PCGF5: variants seen among roughly 807,000 people sequenced by gnomAD.
PCGF5 encodes polycomb group ring finger 5.
In PCGF5, 9 loss-of-function variants were observed where a neutral mutation model predicts 44.3. That is an observed-to-expected ratio of 0.20 (90% CI 0.12 to 0.35). PCGF5 has a LOEUF of 0.35. Among genes scored for constraint, PCGF5 ranks in the 10% least tolerant of loss-of-function variants. PCGF5 has a pLI of 1.00. For synonymous variants in PCGF5, 95 were observed against 102.5 expected (o/e 0.93, Z 0.44); for missense variants, 146 against 305.3 (o/e 0.48, Z 3.89).
chr10:91,267,977 G>A (rs1460777240), intron 8 of PCGF5, among the ~76,000 whole-genome samples: 1 of 152,038 alleles, frequency 6.6e-6, no homozygotes, highest in Non-Finnish European at 1.5e-5. Context: ...AAAAACACAA[G>A]GTTAAGATTC....
At chr10:91,189,437 A>G (rs113642310) in intron 1 of PCGF5, among the ~76,000 whole-genome samples, 22 of 152,360 alleles carry the variant, frequency 1.4e-4, no homozygotes, top group African/African-American at 4.8e-4. Context: ...TATATGCTAG[A>G]TAAATGAATA....
intron 5 of PCGF5, among the ~76,000 whole-genome samples, chr10:91,249,590 T>C (rs1564649198): frequency 6.6e-6 from 1 of 151,742 alleles, no homozygotes; most frequent in African/African-American, 2.4e-5. Flanking sequence ...AATCTTGGTT[T>C]TCCCATAAGA....
chr10:91,171,001 C>T (rs1843594238), intron 1 of PCGF5, among the ~76,000 whole-genome samples: 1 of 152,206 alleles, frequency 6.6e-6, no homozygotes, highest in Admixed American at 6.5e-5. Context: ...GAAAAAGCTT[C>T]ATACTGTGTG....
chr10:91,273,309 C>T (rs572146386), intron 9 of PCGF5, among the ~76,000 whole-genome samples: 4 of 152,158 alleles, frequency 2.6e-5, no homozygotes, highest in South Asian at 2.1e-4. Context: ...TGAATTGTAA[C>T]GATAACACTG....
chr10:91,262,771 T>C (rs1424217179), intron 7 of PCGF5, among the ~76,000 whole-genome samples: 2 of 152,250 alleles, frequency 1.3e-5, no homozygotes, highest in Admixed American at 1.3e-4. Flanking sequence ...AAGCCCAATG[T>C]ACTTGGTAAA....
At chr10:91,182,538 G>A (rs891253978) in intron 1 of PCGF5, among the ~76,000 whole-genome samples, 2 of 151,846 alleles carry the variant, frequency 1.3e-5, no homozygotes, top group South Asian at 2.1e-4. Context: ...TTCATGTCAC[G>A]ATCTCCTTTA....
chr10:91,179,158 C>T (rs1843772240), intron 1 of PCGF5, among the ~76,000 whole-genome samples: 1 of 151,852 alleles, frequency 6.6e-6, no homozygotes, highest in African/African-American at 2.4e-5. Context: ...ATCCTGTCCT[C>T]TCTCATTACT....
At chr10:91,229,629 A>G (rs894030324) in intron 2 of PCGF5, among the ~76,000 whole-genome samples, 4 of 152,126 alleles carry the variant, frequency 2.6e-5, no homozygotes, top group African/African-American at 9.7e-5. Flanking sequence ...CAACATGTTA[A>G]TTAAAATTAT....
At chr10:91,246,409 A>G (rs1408302744) in intron 3 of PCGF5, among the ~76,000 whole-genome samples, 1 of 152,206 alleles carries the variant, frequency 6.6e-6, no homozygotes, top group Non-Finnish European at 1.5e-5. Flanking sequence ...GGATAATTGA[A>G]TAAGCCAGTT....
intron 9 of PCGF5, among the ~76,000 whole-genome samples, chr10:91,275,515 A>G (rs960463801): frequency 2.0e-5 from 3 of 150,720 alleles, no homozygotes; most frequent in Admixed American, 1.3e-4. Context: ...ATCTTGGCTC[A>G]TTGCAGCCTC....
chr10:91,248,872 C>A, intron 5 of PCGF5, 148 bp downstream of exon 5: 1 of 686,316 alleles, frequency 1.5e-6, no homozygotes, highest in Non-Finnish European at 2.5e-6. Flanking sequence ...ACCTTTTTCT[C>A]TATATGAGAT....
intron 2 of PCGF5, among the ~76,000 whole-genome samples, chr10:91,225,395 T>C (rs1388226609): frequency 6.6e-6 from 1 of 151,466 alleles, no homozygotes; most frequent in African/African-American, 2.4e-5. Context: ...CATCCTAGCC[T>C]GAAAGATCCC....
rs544844705 is a variant in PCGF5, at chr10:91,237,116, A to T, written c.113-3368A>T. ...GACAACTTGCTCAAATTCTCTACTC[A>T]TTTTTTTATCTATAAGAGGCCAAAT... is the stretch of plus-strand genomic sequence containing the variant. On this transcript the variant is annotated intron_variant, in intron 2 of 9. Transcript: ENST00000336126. 1.9e-4 allele frequency among the ~76,000 whole-genome samples: 29 copies of T among 152,292 alleles called. No individual in the cohort carries two copies. In the South Asian group the frequency reaches 5.2e-3, roughly 27 times the overall value.
intron 1 of PCGF5, among the ~76,000 whole-genome samples, chr10:91,174,953 C>A (rs1344307027): frequency 6.6e-6 from 1 of 152,172 alleles, no homozygotes; most frequent in Non-Finnish European, 1.5e-5. Context: ...GCAAATAGAC[C>A]TGTGGCAACT....
At chr10:91,250,608 G>A (rs1350821729) in intron 5 of PCGF5, among the ~76,000 whole-genome samples, 2 of 149,318 alleles carry the variant, frequency 1.3e-5, no homozygotes, top group African/African-American at 4.9e-5. Flanking sequence ...TGTATGATGT[G>A]TATCCAACAT....
rs527655575 is a variant in PCGF5, at chr10:91,213,354, GTA to G, written c.-183-9333_-183-9332del. Among the ~76,000 whole-genome samples, 156 of 152,200 alleles carry G rather than the reference GTA, an allele frequency of 1.0e-3. 2 individuals carry two copies. In the South Asian group the frequency reaches 0.017, roughly 17 times the overall value. ...TATATCTGTATGTATTTGTATATAC[GTA>G]TGCATAAGTAACCTCTATTTGGCTA... is the stretch of plus-strand genomic sequence containing the variant. On this transcript the variant is annotated intron_variant, in intron 1 of 9. Coordinates refer to the PCGF5 transcript ENST00000614189.
intron 3 of PCGF5, among the ~76,000 whole-genome samples, chr10:91,246,908 A>G (rs1845474297): frequency 6.6e-6 from 1 of 152,070 alleles, no homozygotes; most frequent in Non-Finnish European, 1.5e-5. Context: ...GGAAATATGG[A>G]ACTTGAAATC....
chr10:91,257,270 C>T (rs1382431794), intron 6 of PCGF5, among the ~76,000 whole-genome samples: 1 of 151,994 alleles, frequency 6.6e-6, no homozygotes, highest in African/African-American at 2.4e-5. Context: ...CATTTTATAC[C>T]TACTAGGATG....
rs912860239 is a variant in PCGF5, at chr10:91,280,420, A to G, written c.*2104A>G. The G allele has an allele frequency of 1.2e-4, 18 of 152,446 alleles. No homozygotes were observed. The highest frequency in any genetic ancestry group is 3.6e-4 in the African/African-American group (15 of 41,460). The allele number at this position is 152,446 out of a possible 1,614,324, so 9.4% of individuals were successfully genotyped here. ...TAAATTTGGCTGGTTGCCTTGTCAT[A>G]TGTAATTTCACTATTTTCCAAGGAA... On this transcript the variant is annotated 3_prime_UTR_variant, in exon 10 of 10. Transcript: ENST00000336126.
Sources: allele counts gnomAD v4.1 joint callset (sites outside exome capture counted in the v4.1 genomes callset), GRCh38; gene constraint gnomAD v4.1.1; transcripts MANE v1.5; gene names NCBI Gene and HGNC (gene_info 2026-07-23, HGNC 2026-07-21).